The following GPAT3 variants were observed in gnomAD, a reference collection of about 807,000 sequenced individuals.
GPAT3 encodes the protein 1-AGP acyltransferase 9.
In GPAT3, 53 loss-of-function variants were observed where a neutral mutation model predicts 58.8. The observed-to-expected ratio is 0.90, with a 90% CI of 0.72 to 1.13. GPAT3 has a LOEUF of 1.13. Ranked by LOEUF, GPAT3 falls within the 50% of genes most tolerant of loss-of-function variation. GPAT3 has a pLI of 0.00. For synonymous variants in GPAT3, 197 were observed against 187.4 expected, an observed-to-expected ratio of 1.05 and a Z score of -0.42; for missense variants, 511 against 527.6, an observed-to-expected ratio of 0.97 and a Z score of 0.31.
In GPAT3 at chr4:83,541,364, T is replaced by C. The variant is rs546626426; in HGVS notation, c.142-3172T>C. On this transcript the variant is annotated intron_variant, in intron 1 of 11. Transcript: ENST00000264409. ...TCCTGAGTGGCTGGGCCCACAGACG[T>C]GTACCACCATGCCCAACTAATTTAA... Among the ~76,000 whole-genome samples, 734 of 151,426 alleles carry C rather than the reference T, an allele frequency of 4.8e-3. 1 individual carries two copies. The highest frequency in any genetic ancestry group is 8.1e-3 in the Non-Finnish European group (549 of 67,886).
chr4:83,556,580 A>G (rs1400411103), intron 2 of GPAT3, among the ~76,000 whole-genome samples: 1 of 151,396 alleles, frequency 6.6e-6, no homozygotes, highest in Non-Finnish European at 1.5e-5. Flanking sequence ...TTCAGTGCTA[A>G]CTGACAATTG....
chr4:83,556,024 A>G (rs886931828), intron 2 of GPAT3, among the ~76,000 whole-genome samples: 1 of 152,204 alleles, frequency 6.6e-6, no homozygotes, highest in Non-Finnish European at 1.5e-5. Context: ...GTTTGTCCTT[A>G]TCAATGAAAT....
In GPAT3 at chr4:83,536,695, C is replaced by T; in HGVS notation, c.73C>T (p.Pro25Ser). ...GCTGGTTCTCGGCTTCATCCTTTTA[C>T]CTTCGGTCTTCGGAGTGTCTCTGGG... ...LTLVLGFILLPSVFGVSLGIS... is the reference protein window; with the variant it reads ...LTLVLGFILLSSVFGVSLGIS... The change falls in exon 1 of 12, where the codon CCT (proline) becomes TCT (serine). Residue 25 changes from proline (P) to serine (S), a missense_variant. By Grantham distance (74) the Pro-to-Ser change is moderately conservative (BLOSUM62 -1). Transcript: ENST00000264409. 1 of 1,613,704 alleles carries T rather than the reference C, an allele frequency of 6.2e-7. No individual in the cohort carries two copies. The highest frequency in any genetic ancestry group is 8.5e-7 in the Non-Finnish European group (1 of 1,179,992).
intron 1 of GPAT3, among the ~76,000 whole-genome samples, chr4:83,541,084 T>C (rs1724286514): frequency 6.6e-6 from 1 of 152,198 alleles, no homozygotes; most frequent in Non-Finnish European, 1.5e-5. Context: ...AGTGGCAGAA[T>C]TGCAATTCAA....
chr4:83,602,766 C>T (rs187357552), intron 11 of GPAT3, among the ~76,000 whole-genome samples: 21 of 152,262 alleles, frequency 1.4e-4, no homozygotes, highest in Admixed American at 1.2e-3. Context: ...AAAGGCCTTT[C>T]TTATTTCTTT....
rs758514380 is a variant in GPAT3 at position 83,544,548 on chromosome 4, C to T, written c.154C>T (p.Arg52Ter). 22 of 1,613,734 alleles carry T rather than the reference C, an allele frequency of 1.4e-5. No individual in the cohort carries two copies. The highest frequency in any genetic ancestry group is 1.2e-4 in the South Asian group (11 of 91,076). ...LVKTLEWATI[R>*]IEKGTPKESI... ...TGTTTTTGAACAGTGGGCCACAATA[C>T]GAATTGAAAAAGGAACCCCAAAGGA... Residue 52 changes from arginine (R) to a stop codon, truncating the protein, a stop_gained, in exon 2 of 12, where the codon CGA becomes TGA. Coordinates refer to ENST00000264409, the MANE Select transcript of GPAT3 (RefSeq NM_032717.5). LOFTEE classifies it high-confidence loss of function.
chr4:83,594,892 G>A lies in GPAT3; in HGVS notation c.786G>A (p.Met262Ile), dbSNP rs764428572. The change falls in exon 7 of 12, where the codon ATG becomes ATA. Residue 262 changes from methionine to isoleucine, a missense_variant. Coordinates refer to ENST00000264409, the MANE Select transcript of GPAT3 (RefSeq NM_032717.5). ...TGATGGGAATTATTCAGAGAGCTATGGTCAAGGCTTGTCCTCATGTCTGGT... is the reference window on the plus strand; with the variant it reads ...TGATGGGAATTATTCAGAGAGCTATAGTCAAGGCTTGTCCTCATGTCTGGT... ...GGLMGIIQRA[M>I]VKACPHVWFE... The A allele has an allele frequency of 4.3e-6, 7 of 1,613,852 alleles. No homozygotes were observed. Among genetic ancestry groups the A allele is most frequent in the Middle Eastern group, 1.6e-4 (1 of 6,078 alleles).
intron 2 of GPAT3, among the ~76,000 whole-genome samples, chr4:83,549,444 C>CGCGT (rs1553943577): frequency 3.5e-4 from 51 of 145,808 alleles, no homozygotes; most frequent in African/African-American, 1.2e-3. Flanking sequence ...TTTTATTTTG[C>CGCGT]GTGTGTGTGT....
intron 1 of GPAT3, among the ~76,000 whole-genome samples, chr4:83,538,139 T>C (rs1323287812): frequency 6.6e-6 from 1 of 152,204 alleles, no homozygotes; most frequent in Non-Finnish European, 1.5e-5. Context: ...CGTGGCTTTA[T>C]CTGCTCTTCT....
chr4:83,563,377 CAA>C (rs1255232877), intron 2 of GPAT3, among the ~76,000 whole-genome samples: 1 of 152,050 alleles, frequency 6.6e-6, no homozygotes, highest in Non-Finnish European at 1.5e-5. Context: ...ACCTCTATCC[CAA>C]GTTAGTTTCT....
chr4:83,572,628 T>C (rs1725649677), intron 2 of GPAT3, among the ~76,000 whole-genome samples: 1 of 152,216 alleles, frequency 6.6e-6, no homozygotes, highest in Admixed American at 6.5e-5. Context: ...TTTATGAAAG[T>C]ATTTTAAAGT....
chr4:83,580,043 CT>C (rs1176211120), intron 2 of GPAT3, among the ~76,000 whole-genome samples: 1 of 152,090 alleles, frequency 6.6e-6, no homozygotes, highest in African/African-American at 2.4e-5. Flanking sequence ...CAGAAGTAAC[CT>C]TTTGTGATAC....
chr4:83,559,609 C>T (rs1330729282), intron 2 of GPAT3, among the ~76,000 whole-genome samples: 1 of 152,172 alleles, frequency 6.6e-6, no homozygotes, highest in Non-Finnish European at 1.5e-5. Context: ...AAGCGTGAGC[C>T]AGTGCACCCG....
intron 2 of GPAT3, among the ~76,000 whole-genome samples, chr4:83,562,194 T>TA (rs369228623): frequency 0.087 from 4,125 of 47,602 alleles, 328 homozygotes; most frequent in African/African-American, 0.31. Flanking sequence ...TATATATATA[T>TA]ATATAATATA....
intron 2 of GPAT3, among the ~76,000 whole-genome samples, chr4:83,569,107 A>T (rs1725510701): frequency 6.6e-6 from 1 of 152,196 alleles, no homozygotes; most frequent in African/African-American, 2.4e-5. Context: ...TTTAACATAG[A>T]TCTGTTGTTT....
chr4:83,554,414 T>C (rs773105339), intron 2 of GPAT3, among the ~76,000 whole-genome samples: 34 of 152,308 alleles, frequency 2.2e-4, no homozygotes, highest in Middle Eastern at 6.8e-3. Context: ...GCATATCTCC[T>C]GGTCTCTTTA....
intron 2 of GPAT3, among the ~76,000 whole-genome samples, chr4:83,570,471 CTTTTTTTT>C (rs11417042): frequency 2.4e-5 from 3 of 126,670 alleles, no homozygotes; most frequent in Non-Finnish European, 4.9e-5. Context: ...TGGGAGAACT[CTTTTTTTT>C]TTTTTTTTTT....
intron 6 of GPAT3, among the ~76,000 whole-genome samples, chr4:83,590,565 T>C (rs1189045626): frequency 1.3e-5 from 2 of 152,220 alleles, no homozygotes; most frequent in Non-Finnish European, 2.9e-5. Context: ...GTTGATTCCA[T>C]TTTCCTTGTA....
At chr4:83,568,680 T>C (rs959724423) in intron 2 of GPAT3, among the ~76,000 whole-genome samples, 1 of 151,996 alleles carries the variant, frequency 6.6e-6, no homozygotes, top group African/African-American at 2.4e-5. Context: ...GCCAACTTTT[T>C]GTATTTTTAC....
Sources: gnomAD v4.1 joint callset for allele counts (sites outside exome capture counted in the v4.1 genomes callset) on GRCh38, gnomAD v4.1.1 for gene constraint, MANE v1.5 for transcripts, NCBI Gene and HGNC (gene_info 2026-07-23, HGNC 2026-07-21) for gene names.